SLC25A13: variants seen among roughly 807,000 people sequenced by gnomAD.
SLC25A13 encodes the protein electrogenic aspartate/glutamate antiporter SLC25A13, mitochondrial.
Under a neutral mutation model 85.5 loss-of-function variants are expected in SLC25A13, and 70 were observed. That is an observed-to-expected ratio of 0.82 (90% CI 0.68 to 1.00). The LOEUF (loss-of-function observed/expected upper bound fraction) is 1.00, where lower values mean the gene tolerates loss of function less well. Among genes scored for constraint, SLC25A13 ranks in the 50% least tolerant of loss-of-function variants. The probability of loss-of-function intolerance (pLI) is 0.00; values close to 1 mark genes in which losing one functional copy is unlikely to be tolerated. For missense variants in SLC25A13, 765 were observed against 819.8 expected (o/e 0.93, Z 0.82); for synonymous variants, 259 against 288.7 (o/e 0.90, Z 1.04).
chr7:96,211,881 G>T (rs971298572), intron 4 of SLC25A13, among the ~76,000 whole-genome samples: 3 of 152,020 alleles, frequency 2.0e-5, no homozygotes, highest in African/African-American at 7.3e-5. Context: ...CATGTTGAGG[G>T]GCTGAAAAAA....
At chr7:96,181,590 T>G (rs1794423670) in intron 11 of SLC25A13, among the ~76,000 whole-genome samples, 1 of 152,206 alleles carries the variant, frequency 6.6e-6, no homozygotes, top group Admixed American at 6.5e-5. Flanking sequence ...AGATGCCAAC[T>G]TTTTTCAAAG....
intron 1 of SLC25A13, among the ~76,000 whole-genome samples, chr7:96,314,657 A>T (rs957898083): frequency 6.6e-6 from 1 of 152,134 alleles, no homozygotes; most frequent in Non-Finnish European, 1.5e-5. Flanking sequence ...CATAATAGAT[A>T]ATCCTCACAC....
At chr7:96,140,319 A>AT (rs1657671064) in intron 14 of SLC25A13, among the ~76,000 whole-genome samples, 1 of 148,520 alleles carries the variant, frequency 6.7e-6, no homozygotes, top group South Asian at 2.1e-4. Flanking sequence ...TAGTAGTTCT[A>AT]TTTTAACTTT....
intron 11 of SLC25A13, among the ~76,000 whole-genome samples, chr7:96,183,112 G>A (rs1794483492): frequency 6.6e-6 from 1 of 152,150 alleles, no homozygotes; most frequent in Non-Finnish European, 1.5e-5. Flanking sequence ...ATCACCTGAG[G>A]TCAAAGACCT....
chr7:96,277,229 A>G lies in SLC25A13; in HGVS notation c.179T>C (p.Leu60Pro). 5 of 1,606,266 alleles carry G rather than the reference A, an allele frequency of 3.1e-6. No individual in the cohort carries two copies. The highest frequency in any genetic ancestry group is 4.3e-6 in the Non-Finnish European group (5 of 1,175,946). ...GGTCTGATCCACCACTCCACTTAAA[A>G]GTTCCACAGTCTTTGGATTAGGCTG... is the stretch of plus-strand genomic sequence containing the variant. ...ESQPNPKTVE[L>P]LSGVVDQTKD... Residue 60 changes from leucine (L) to proline (P), a missense_variant, in exon 3 of 18, where the codon CTT becomes CCT. Physicochemically the swap from Leu to Pro is moderately conservative, Grantham distance 98. Transcript: ENST00000265631.
chr7:96,121,605 G>T (rs1249659233), intron 17 of SLC25A13, 50 bp downstream of exon 17: 3 of 1,557,762 alleles, frequency 1.9e-6, no homozygotes, highest in Non-Finnish European at 1.8e-6. Context: ...TACGACAACA[G>T]AGCATTAGCA....
chr7:96,125,741 C>T (rs375231658), intron 15 of SLC25A13, among the ~76,000 whole-genome samples: 28 of 149,226 alleles, frequency 1.9e-4, no homozygotes, highest in African/African-American at 7.0e-4. Flanking sequence ...CTACACATTA[C>T]ATTCTAGAGG....
intron 4 of SLC25A13, among the ~76,000 whole-genome samples, chr7:96,231,661 T>C (rs1483525309): frequency 2.0e-5 from 3 of 151,316 alleles, no homozygotes; most frequent in East Asian, 3.9e-4. Flanking sequence ...GAGGTGGAGG[T>C]TGCACTGAGC....
intron 4 of SLC25A13, among the ~76,000 whole-genome samples, chr7:96,228,895 G>GC (rs1407058784): frequency 2.0e-5 from 3 of 152,166 alleles, no homozygotes; most frequent in African/African-American, 7.2e-5. Context: ...AGCACTCCTG[G>GC]CCCACCCACG....
intron 4 of SLC25A13, among the ~76,000 whole-genome samples, chr7:96,233,586 G>A (rs1043259366): frequency 6.6e-6 from 1 of 152,080 alleles, no homozygotes; most frequent in Non-Finnish European, 1.5e-5. Context: ...AATGGCGAAG[G>A]GGGTTGGCAC....
chr7:96,173,618 T>TC (rs201748020), intron 11 of SLC25A13, among the ~76,000 whole-genome samples: 5,178 of 152,268 alleles, frequency 0.034, 220 homozygotes, highest in African/African-American at 0.099. Flanking sequence ...CCTCACTATG[T>TC]TGCCCAGACC....
intron 3 of SLC25A13, among the ~76,000 whole-genome samples, chr7:96,257,303 T>C (rs1052283186): frequency 4.0e-5 from 6 of 151,656 alleles, no homozygotes; most frequent in Admixed American, 6.6e-5. Flanking sequence ...ATTAACCAAA[T>C]AGATAGACCA....
chr7:96,287,784 A>T (rs1798947127), intron 2 of SLC25A13, among the ~76,000 whole-genome samples: 1 of 152,010 alleles, frequency 6.6e-6, no homozygotes, highest in East Asian at 1.9e-4. Context: ...GATGCCCACC[A>T]CTCTTGCTTG....
chr7:96,201,669 T>G (rs2116691686), intron 5 of SLC25A13, among the ~76,000 whole-genome samples: 1 of 152,304 alleles, frequency 6.6e-6, no homozygotes, highest in Non-Finnish European at 1.5e-5. Flanking sequence ...AATTACGGCT[T>G]CAGCCAGTTC....
chr7:96,257,422 G>A (rs149652779), intron 3 of SLC25A13, among the ~76,000 whole-genome samples: 3,288 of 152,232 alleles, frequency 0.022, 77 homozygotes, highest in African/African-American at 0.058. Context: ...TACCATCAGA[G>A]AATATTATAA....
At chr7:96,275,159 T>C (rs1305515268) in intron 3 of SLC25A13, among the ~76,000 whole-genome samples, 1 of 152,214 alleles carries the variant, frequency 6.6e-6, no homozygotes, top group Non-Finnish European at 1.5e-5. Flanking sequence ...TTCCATTTGT[T>C]TGTATCCTCT....
At chr7:96,167,436 A>C (rs150930519) in intron 13 of SLC25A13, among the ~76,000 whole-genome samples, 2,250 of 152,314 alleles carry the variant, frequency 0.015, 57 homozygotes, top group African/African-American at 0.051. Context: ...AAACATTATG[A>C]AGTTATGAGA....
rs748217453 is a variant in SLC25A13 at position 96,282,435 on chromosome 7, T to G, written c.70-5097A>C. On this transcript the variant is annotated intron_variant, in intron 2 of 17. Transcript: ENST00000265631. ...TCCTGGGACTGAAGGACAAATCCCC[T>G]ACATTGTTTTCCAACCACTGAGAAG... Among the ~76,000 whole-genome samples the G allele has an allele frequency of 2.6e-5, 4 of 152,196 alleles. No homozygotes were observed. In the East Asian group the frequency reaches 5.8e-4, roughly 22 times the overall value.
chr7:96,191,166 T>C lies in SLC25A13; in HGVS notation c.697A>G (p.Ile233Val). The change falls in exon 7 of 18, where the codon ATT becomes GTT. Residue 233 changes from isoleucine (I) to valine (V), a missense_variant. Ile to Val is a conservative substitution (Grantham distance 29). Coordinates refer to ENST00000265631, the MANE Select transcript of SLC25A13 (RefSeq NM_014251.3). Reference protein sequence around the residue: ...FNSLLNNMELIRKIYSTLAGT... With the variant: ...FNSLLNNMELVRKIYSTLAGT... ...GCCAGAGTGCTATAGATCTTTCTAA[T>C]GAGTTCCATGTTGTTAAGGAGCGAA... is the stretch of plus-strand genomic sequence containing the variant. The C allele has an allele frequency of 6.2e-7, 1 of 1,614,136 alleles. No individual in the cohort carries two copies.
Sources: allele counts gnomAD v4.1 joint callset (sites outside exome capture counted in the v4.1 genomes callset), GRCh38; gene constraint gnomAD v4.1.1; transcripts MANE v1.5; gene names NCBI Gene and HGNC (gene_info 2026-07-23, HGNC 2026-07-21).